Variants in PLPP1 observed in about 807,000 individuals in gnomAD.
The protein encoded by PLPP1 is phospholipid phosphatase 1, also known as lipid phosphate phosphohydrolase 1a.
In PLPP1, 24 loss-of-function variants were observed where a neutral mutation model predicts 31.2. That is an observed-to-expected ratio of 0.77 (90% CI 0.56 to 1.08). The LOEUF (loss-of-function observed/expected upper bound fraction) is 1.08. Ranked by LOEUF, PLPP1 falls within the 50% of genes least tolerant of loss-of-function variation. The pLI, the probability that PLPP1 is intolerant of heterozygous loss-of-function variation, is 0.00. For missense variants in PLPP1, 319 were observed against 342.7 expected, an observed-to-expected ratio of 0.93 and a Z score of 0.55; for synonymous variants, 146 against 126.3, an observed-to-expected ratio of 1.16 and a Z score of -1.05.
intron 1 of PLPP1, among the ~76,000 whole-genome samples, chr5:55,495,759 A>C (rs181855031): frequency 6.6e-6 from 1 of 152,250 alleles, no homozygotes; most frequent in African/African-American, 2.4e-5. Flanking sequence ...ACACAGAGGA[A>C]TGTCCATCCC....
chr5:55,444,361 G>A (rs574110004), intron 3 of PLPP1, among the ~76,000 whole-genome samples: 5 of 152,256 alleles, frequency 3.3e-5, no homozygotes, highest in Admixed American at 3.3e-4. Flanking sequence ...GATTACAAGC[G>A]TGAGCCACCG....
intron 1 of PLPP1, among the ~76,000 whole-genome samples, chr5:55,517,826 G>C (rs1304274858): frequency 6.6e-6 from 1 of 152,120 alleles, no homozygotes; most frequent in Non-Finnish European, 1.5e-5. Context: ...GGCAAAAACA[G>C]AGCTACCAGC....
In PLPP1 at chr5:55,430,088, C is replaced by T. The variant is rs148457982; in HGVS notation, c.550-4049G>A. 4.4e-3 allele frequency among the ~76,000 whole-genome samples: 676 copies of T among 152,258 alleles called. 2 individuals are homozygous for T. The highest frequency in any genetic ancestry group is 0.014 in the South Asian group (66 of 4,820). On this transcript the variant is annotated intron_variant, in intron 4 of 5. Transcript: ENST00000307259. ...TCCAACCTGCTGCTACCACCACCCA[C>T]ATGCACCACCTATGGGCCTGGGGAC...
intron 4 of PLPP1, among the ~76,000 whole-genome samples, chr5:55,428,700 C>T (rs230743): frequency 0.87 from 132,553 of 152,204 alleles, 57,958 homozygotes; most frequent in South Asian, 0.92. Flanking sequence ...ACAGGGGACA[C>T]AGCTCATGCT....
At chr5:55,523,230 GAACA>G (rs1753711478) in intron 1 of PLPP1, among the ~76,000 whole-genome samples, 1 of 151,714 alleles carries the variant, frequency 6.6e-6, no homozygotes, top group Non-Finnish European at 1.5e-5. Context: ...TTTGTGTTAC[GAACA>G]ATCCAATTAT....
chr5:55,514,159 G>A (rs1278767510), intron 1 of PLPP1, among the ~76,000 whole-genome samples: 2 of 152,160 alleles, frequency 1.3e-5, no homozygotes, highest in Non-Finnish European at 2.9e-5. Context: ...CAGGCAGATT[G>A]CTTGAGCCCA....
At chr5:55,445,533 CTCTTTTTT>C (rs1751742205) in intron 3 of PLPP1, among the ~76,000 whole-genome samples, 1 of 120,928 alleles carries the variant, frequency 8.3e-6, no homozygotes, top group Admixed American at 1.1e-4. Flanking sequence ...TTTGCATTCA[CTCTTTTTT>C]TTTTTTTTTT....
intron 4 of PLPP1, 44 bp downstream of exon 4, chr5:55,441,807 C>A (rs938387765): frequency 4.4e-6 from 7 of 1,573,834 alleles, no homozygotes; most frequent in African/African-American, 1.4e-5. Context: ...ACATTAATTC[C>A]ATGCAGCACA....
At chr5:55,512,364 G>A (rs1328698696) in intron 1 of PLPP1, among the ~76,000 whole-genome samples, 1 of 151,520 alleles carries the variant, frequency 6.6e-6, no homozygotes, top group African/African-American at 2.4e-5. Flanking sequence ...CCAGCTATTT[G>A]GGAGGCTGAG....
At chr5:55,472,559 C>T (rs1326050341) in intron 2 of PLPP1, among the ~76,000 whole-genome samples, 1 of 151,702 alleles carries the variant, frequency 6.6e-6, no homozygotes, top group East Asian at 1.9e-4. Context: ...GAGATCGCGC[C>T]AGTGCACTCC....
At chr5:55,426,069 T>TTTA in intron 4 of PLPP1, 30 bp from the exon 5 acceptor site, 1 of 1,540,242 alleles carries the variant, frequency 6.5e-7, no homozygotes. Flanking sequence ...AAAAAAATAG[T>TTTA]TTATTTAACA....
At chr5:55,427,658 T>C (rs1474172300) in intron 4 of PLPP1, among the ~76,000 whole-genome samples, 4 of 152,112 alleles carry the variant, frequency 2.6e-5, no homozygotes, top group South Asian at 2.1e-4. Flanking sequence ...TCACTGTAGA[T>C]AGCCTGCAAA....
At chr5:55,455,480 T>C (rs1266952727) in intron 3 of PLPP1, among the ~76,000 whole-genome samples, 2 of 152,008 alleles carry the variant, frequency 1.3e-5, no homozygotes, top group African/African-American at 4.8e-5. Context: ...ACAGCACCTA[T>C]AGGTGCCAAC....
intron 1 of PLPP1, among the ~76,000 whole-genome samples, chr5:55,517,446 C>T (rs1753576370): frequency 6.6e-6 from 1 of 152,058 alleles, no homozygotes; most frequent in African/African-American, 2.4e-5. Flanking sequence ...ACCTGCCCAC[C>T]CCTGCCTCCC....
chr5:55,488,689 A>C (rs575881804), intron 1 of PLPP1, among the ~76,000 whole-genome samples: 17 of 152,260 alleles, frequency 1.1e-4, no homozygotes, highest in African/African-American at 3.4e-4. Flanking sequence ...ACAACAACAA[A>C]AAAATGTGTC....
chr5:55,426,793 T>G (rs944286199), intron 4 of PLPP1, among the ~76,000 whole-genome samples: 2 of 152,146 alleles, frequency 1.3e-5, no homozygotes, highest in Non-Finnish European at 2.9e-5. Context: ...ATCTAGGGAC[T>G]ATTTCATTAA....
At chr5:55,532,192 T>C (rs1740692297) in intron 1 of PLPP1, among the ~76,000 whole-genome samples, 1 of 152,224 alleles carries the variant, frequency 6.6e-6, no homozygotes, top group African/African-American at 2.4e-5. Flanking sequence ...ATTTATAAAA[T>C]TGTACTGCAT....
intron 4 of PLPP1, among the ~76,000 whole-genome samples, chr5:55,431,803 CAA>C (rs543993738): frequency 6.6e-6 from 1 of 151,818 alleles, no homozygotes; most frequent in Non-Finnish European, 1.5e-5. Flanking sequence ...AAAGGATCAA[CAA>C]AAAAAGTTGC....
intron 1 of PLPP1, among the ~76,000 whole-genome samples, chr5:55,506,784 T>C (rs1753288820): frequency 6.6e-6 from 1 of 152,228 alleles, no homozygotes; most frequent in Admixed American, 6.5e-5. Flanking sequence ...CAGTTACTTT[T>C]GTGAAGTTTG....
Sources: gnomAD v4.1 joint callset for allele counts (sites outside exome capture counted in the v4.1 genomes callset) on GRCh38, gnomAD v4.1.1 for gene constraint, MANE v1.5 for transcripts, NCBI Gene and HGNC (gene_info 2026-07-23, HGNC 2026-07-21) for gene names.